Variants in EIF4G3 observed in about 807,000 individuals in gnomAD.
EIF4G3 encodes the protein eIF-4-gamma 3.
Under a neutral mutation model 186.4 loss-of-function variants are expected in EIF4G3, and 34 were observed. The observed-to-expected ratio is 0.18, with a 90% CI of 0.14 to 0.24. The LOEUF (loss-of-function observed/expected upper bound fraction) is 0.24. Among genes scored for constraint, EIF4G3 ranks in the 10% least tolerant of loss-of-function variants. EIF4G3 has a pLI of 1.00. For missense variants in EIF4G3, 1,536 were observed against 1,948.5 expected (o/e 0.79, Z 3.99); for synonymous variants, 673 against 679.5 (o/e 0.99, Z 0.15).
chr1:21,045,261 G>C (rs2093815589), intron 4 of EIF4G3, among the ~76,000 whole-genome samples: 1 of 152,154 alleles, frequency 6.6e-6, no homozygotes, highest in East Asian at 1.9e-4. Context: ...AATGGGTGTT[G>C]GGACCATTCA....
In EIF4G3 at chr1:21,050,950, A is replaced by C. The variant is rs1357185690; in HGVS notation, c.-151T>G. 1.4e-6 allele frequency: 1 copy of C among 717,152 alleles called. No homozygotes were observed. The highest frequency in any genetic ancestry group is 2.6e-6 in the Non-Finnish European group (1 of 384,982). 44.4% of individuals were successfully genotyped at this position (717,152 alleles called of 1,614,324 possible). ...CCTTGTTTATTTCATGTGCTGAATA[A>C]GGGGATGGGGTAGGGGTTCCCGGCT... On this transcript the variant is annotated 5_prime_UTR_variant, in exon 4 of 37. Transcript: ENST00000602326.
At position 21,176,847 on chromosome 1, in the gene EIF4G3, G is replaced by C; in HGVS notation, c.-581C>G. On this transcript the variant is annotated 5_prime_UTR_variant, in exon 1 of 37. Transcript: ENST00000602326. ...GTGGATTTTCTTCACTCAACGAGCA[G>C]AGCATCCAACATGGCGCTGTGGCCG... 1.4e-6 allele frequency: 1 copy of C among 701,714 alleles called. No homozygotes were observed. Among genetic ancestry groups the C allele is most frequent in the Non-Finnish European group, 2.6e-6 (1 of 384,154 alleles). The allele number at this position is 701,714 out of a possible 1,614,324, so 43.5% of individuals were successfully genotyped here.
intron 15 of EIF4G3, among the ~76,000 whole-genome samples, chr1:20,900,951 G>A (rs928862662): frequency 2.0e-5 from 3 of 152,106 alleles, no homozygotes; most frequent in Non-Finnish European, 4.4e-5. Context: ...TATTAAAACA[G>A]ATATAATACT....
rs748125235 is a variant in EIF4G3, at chr1:21,126,231, T to TA, written c.-271-37019dup. Reference sequence around the variant, plus strand: ...CAAGAATGTATATAAAAATTAAAATTAAAAAAAAAAAAAAAGCTGGCACAG... The same window carrying TA: ...CAAGAATGTATATAAAAATTAAAATTAAAAAAAAAAAAAAAAGCTGGCACAG... On this transcript the variant is annotated intron_variant, in intron 2 of 36. Coordinates refer to ENST00000602326, the MANE Select transcript of EIF4G3 (RefSeq NM_001391906.1). 5.6e-3 allele frequency among the ~76,000 whole-genome samples: 663 copies of TA among 118,384 alleles called. 2 individuals are homozygous for TA. The highest frequency in any genetic ancestry group is 8.0e-3 in the South Asian group (30 of 3,744). The allele number at this position is 118,384 out of a possible 152,430, so 77.7% of individuals were successfully genotyped here.
At chr1:20,957,780 T>C (rs988476904) in intron 12 of EIF4G3, among the ~76,000 whole-genome samples, 3 of 151,996 alleles carry the variant, frequency 2.0e-5, no homozygotes, top group Non-Finnish European at 1.5e-5. Context: ...ACTTTATGCA[T>C]ACAAACTATA....
In EIF4G3 at chr1:20,980,370, G is replaced by C. The variant is rs756259373; in HGVS notation, c.457C>G (p.Pro153Ala). ...VQPPGPGPFY[P>A]GPGPGDFPNA... ...GGGAAGTCCCCAGGTCCTGGTCCAG[G>C]ATAAAAAGGACCTGGCCCCGGTGGT... Residue 153 changes from proline (P) to alanine (A), a missense_variant, in exon 10 of 37, where the codon CCT becomes GCT. By Grantham distance (27) the Pro-to-Ala change is conservative (BLOSUM62 -1). Transcript: ENST00000602326. 1.3e-6 allele frequency: 2 copies of C among 1,549,750 alleles called. No homozygotes were observed. Among genetic ancestry groups the C allele is most frequent in the African/African-American group, 2.9e-5 (2 of 69,628 alleles).
chr1:20,841,351 A>G (rs962317125), intron 29 of EIF4G3: 1 of 169,488 alleles, frequency 5.9e-6, no homozygotes, highest in Non-Finnish European at 1.2e-5. Flanking sequence ...CAAAGCTAAC[A>G]TGTTTAGTTT....
intron 13 of EIF4G3, among the ~76,000 whole-genome samples, chr1:20,944,094 A>G (rs981342882): frequency 2.0e-5 from 3 of 151,634 alleles, no homozygotes; most frequent in African/African-American, 7.3e-5. Context: ...ATTTATCAAA[A>G]TATCTTTGAT....
chr1:20,904,005 A>T (rs911392467), intron 15 of EIF4G3, among the ~76,000 whole-genome samples: 21 of 152,198 alleles, frequency 1.4e-4, no homozygotes, highest in Admixed American at 4.6e-4. Context: ...GGATGTTGAG[A>T]TTACAGACAA....
chr1:20,933,604 T>C (rs1314061977), intron 14 of EIF4G3, among the ~76,000 whole-genome samples: 3 of 151,762 alleles, frequency 2.0e-5, no homozygotes, highest in African/African-American at 7.3e-5. Context: ...TGCAGTGAGC[T>C]GAGATCACAC....
chr1:21,075,733 A>C (rs1486210597), intron 3 of EIF4G3, among the ~76,000 whole-genome samples: 1 of 152,050 alleles, frequency 6.6e-6, no homozygotes, highest in African/African-American at 2.4e-5. Flanking sequence ...ACAGACAGAA[A>C]AGGTATACCA....
At chr1:20,868,544 A>C (rs1395039569) in intron 20 of EIF4G3, among the ~76,000 whole-genome samples, 1 of 152,156 alleles carries the variant, frequency 6.6e-6, no homozygotes, top group Non-Finnish European at 1.5e-5. Context: ...AGTAAGAGTC[A>C]GGGCTTCAAA....
At chr1:20,896,701 C>T (rs1305263439) in intron 16 of EIF4G3, among the ~76,000 whole-genome samples, 1 of 152,090 alleles carries the variant, frequency 6.6e-6, no homozygotes, top group African/African-American at 2.4e-5. Flanking sequence ...ATTCACTCAC[C>T]ACTCATCTAG....
chr1:20,940,028 T>G (rs2154562184), intron 14 of EIF4G3, among the ~76,000 whole-genome samples: 1 of 152,028 alleles, frequency 6.6e-6, no homozygotes, highest in Non-Finnish European at 1.5e-5. Flanking sequence ...CTATTTTTTT[T>G]GTATGTCAGT....
chr1:21,072,100 T>C (rs1159582508), intron 3 of EIF4G3, among the ~76,000 whole-genome samples: 1 of 152,250 alleles, frequency 6.6e-6, no homozygotes, highest in Non-Finnish European at 1.5e-5. Context: ...ACAAGTCTTT[T>C]ATCCCTTAAC....
At chr1:20,846,633 T>G (rs934638495) in intron 29 of EIF4G3, among the ~76,000 whole-genome samples, 5 of 152,130 alleles carry the variant, frequency 3.3e-5, no homozygotes, top group African/African-American at 1.2e-4. Flanking sequence ...GAATGTAAGC[T>G]CCATGGAAGC....
chr1:20,868,090 C>CTTTTTTTCTTTTTTTTTTT (rs71585790), intron 20 of EIF4G3, among the ~76,000 whole-genome samples: 1 of 90,414 alleles, frequency 1.1e-5, no homozygotes, highest in African/African-American at 4.0e-5. Context: ...TGGTGATTTT[C>CTTTTTTTCTTTTTTTTTTT]TTTTTTTTTT....
At chr1:20,858,908 A>G (rs2075709249) in intron 24 of EIF4G3, among the ~76,000 whole-genome samples, 1 of 152,186 alleles carries the variant, frequency 6.6e-6, no homozygotes, top group South Asian at 2.1e-4. Context: ...GAGGCAGAGA[A>G]CTGCTTGAAT....
intron 3 of EIF4G3, among the ~76,000 whole-genome samples, chr1:21,076,045 C>A (rs1208315863): frequency 6.6e-6 from 1 of 152,186 alleles, no homozygotes; most frequent in African/African-American, 2.4e-5. Flanking sequence ...GCAGAATACA[C>A]ATTCTCTTCA....
Sources: gnomAD v4.1 joint callset for allele counts (sites outside exome capture counted in the v4.1 genomes callset) on GRCh38, gnomAD v4.1.1 for gene constraint, MANE v1.5 for transcripts, NCBI Gene and HGNC (gene_info 2026-07-23, HGNC 2026-07-21) for gene names.